ANK3: variants seen among roughly 807,000 people sequenced by gnomAD.
ANK3 encodes ankyrin 3, also known as ankyrin-3.
A neutral mutation model predicts 370.9 loss-of-function variants in ANK3; 57 were observed. That is an observed-to-expected ratio of 0.15 (90% confidence interval 0.12 to 0.19). The LOEUF (loss-of-function observed/expected upper bound fraction) is 0.19. Ranked by LOEUF, ANK3 falls within the 10% of genes least tolerant of loss-of-function variation. The pLI is 1.00. For synonymous variants in ANK3, 1,929 were observed against 1,946.3 expected (o/e 0.99, Z 0.23); for missense variants, 4,439 against 5,302.1 (o/e 0.84, Z 5.06).
chr10:60,177,227 G>C (rs2095993095), intron 18 of ANK3, among the ~76,000 whole-genome samples: 1 of 152,146 alleles, frequency 6.6e-6, no homozygotes, highest in Non-Finnish European at 1.5e-5. Flanking sequence ...TGGATCCCGA[G>C]GGTTTTGTCT....
At chr10:60,252,645 T>C (rs2097686064) in intron 7 of ANK3, among the ~76,000 whole-genome samples, 1 of 152,228 alleles carries the variant, frequency 6.6e-6, no homozygotes, top group African/African-American at 2.4e-5. Context: ...ATTTCTTTTA[T>C]TGGCTCTCTT....
At chr10:60,242,307 C>G (rs2097476648) in intron 7 of ANK3, among the ~76,000 whole-genome samples, 1 of 152,174 alleles carries the variant, frequency 6.6e-6, no homozygotes, top group South Asian at 2.1e-4. Context: ...TTTACAACTT[C>G]ATCACACCGC....
At chr10:60,116,593 TAA>T (rs56117415) in intron 25 of ANK3, among the ~76,000 whole-genome samples, 4 of 148,868 alleles carry the variant, frequency 2.7e-5, no homozygotes, top group African/African-American at 7.4e-5. Context: ...GACTACTTAT[TAA>T]AAAAAAAAGA....
chr10:60,450,973 A>C (rs1039240678), intron 2 of ANK3, among the ~76,000 whole-genome samples: 3 of 152,218 alleles, frequency 2.0e-5, no homozygotes, highest in Admixed American at 1.3e-4. Context: ...GATGTAATTA[A>C]GGTAAGGATC....
intron 2 of ANK3, among the ~76,000 whole-genome samples, chr10:60,409,671 G>T (rs2063521259): frequency 6.6e-6 from 1 of 152,010 alleles, no homozygotes; most frequent in African/African-American, 2.4e-5. Flanking sequence ...CTCCCACTCT[G>T]TACTCTCTGC....
intron 1 of ANK3, among the ~76,000 whole-genome samples, chr10:60,378,583 C>T (rs1201871536): frequency 6.6e-6 from 1 of 152,148 alleles, no homozygotes; most frequent in East Asian, 1.9e-4. Flanking sequence ...GTGCAAAGAA[C>T]GCTCATTGGG....
At chr10:60,376,646 C>T (rs1337206037) in intron 1 of ANK3, among the ~76,000 whole-genome samples, 1 of 152,184 alleles carries the variant, frequency 6.6e-6, no homozygotes, top group Non-Finnish European at 1.5e-5. Context: ...TCAAGACCAG[C>T]ACTTGCATTG....
At chr10:60,544,722 T>C (rs1321052562) in intron 2 of ANK3, among the ~76,000 whole-genome samples, 1 of 152,180 alleles carries the variant, frequency 6.6e-6, no homozygotes, top group Non-Finnish European at 1.5e-5. Flanking sequence ...CTCTCATTTA[T>C]AAGGCTGTCT....
At chr10:60,409,703 C>T (rs940088896) in intron 2 of ANK3, among the ~76,000 whole-genome samples, 6 of 152,112 alleles carry the variant, frequency 3.9e-5, no homozygotes, top group African/African-American at 1.2e-4. Flanking sequence ...CATCCATGCC[C>T]GCAGCTTGAA....
In ANK3 at chr10:60,732,149, T is replaced by C. The variant is rs1252705636; in HGVS notation, c.57+1114A>G. On this transcript the variant is annotated intron_variant, in intron 1 of 43. Coordinates refer to the ANK3 transcript ENST00000373827. Reference sequence around the variant, plus strand: ...TTTTAAAACATGTAGTATTTATTCTTCTGCGAAAATAGTTAATGCAAGCCC... The same window carrying C: ...TTTTAAAACATGTAGTATTTATTCTCCTGCGAAAATAGTTAATGCAAGCCC... Among the ~76,000 whole-genome samples, 9 of 152,130 alleles carry C rather than the reference T, an allele frequency of 5.9e-5. No homozygotes were observed. The South Asian group carries it at 1.7e-3, about 28-fold the overall frequency.
intron 43 of ANK3, among the ~76,000 whole-genome samples, chr10:60,036,097 T>C (rs2074895355): frequency 6.6e-6 from 1 of 152,152 alleles, no homozygotes; most frequent in African/African-American, 2.4e-5. Flanking sequence ...GTTCATTGCT[T>C]AGTAAAGAGG....
At chr10:60,719,609 AT>A (rs1311187525) in intron 1 of ANK3, among the ~76,000 whole-genome samples, 2 of 152,164 alleles carry the variant, frequency 1.3e-5, no homozygotes, top group African/African-American at 4.8e-5. Context: ...TTATACATTT[AT>A]TAGCCAGTTA....
intron 2 of ANK3, among the ~76,000 whole-genome samples, chr10:60,558,858 T>C (rs528333450): frequency 3.2e-4 from 49 of 152,302 alleles, no homozygotes; most frequent in African/African-American, 1.2e-3. Context: ...AAATTTCTAA[T>C]TTTCTTATTA....
intron 1 of ANK3, among the ~76,000 whole-genome samples, chr10:60,301,823 C>G (rs2043885382): frequency 6.6e-6 from 1 of 152,200 alleles, no homozygotes; most frequent in African/African-American, 2.4e-5. Context: ...AGATAACTTT[C>G]TACTGTTCTT....
intron 1 of ANK3, among the ~76,000 whole-genome samples, chr10:60,337,243 C>G (rs1427933191): frequency 6.6e-6 from 1 of 152,024 alleles, no homozygotes; most frequent in East Asian, 1.9e-4. Flanking sequence ...TACTAGTTCC[C>G]CAGCCCCATG....
At chr10:60,610,502 GA>G (rs34160333) in intron 2 of ANK3, among the ~76,000 whole-genome samples, 101,721 of 146,268 alleles carry the variant, frequency 0.7, 35,051 homozygotes, top group South Asian at 0.87. Flanking sequence ...AACGAGAGCG[GA>G]AAAAAAAAAA....
At chr10:60,564,397 G>T (rs1205115936) in intron 2 of ANK3, among the ~76,000 whole-genome samples, 3 of 152,116 alleles carry the variant, frequency 2.0e-5, no homozygotes, top group Non-Finnish European at 4.4e-5. Flanking sequence ...GACTTCAAAA[G>T]GTTATTTGCC....
chr10:60,720,257 A>C (rs2079844875), intron 1 of ANK3, among the ~76,000 whole-genome samples: 1 of 152,192 alleles, frequency 6.6e-6, no homozygotes, highest in Admixed American at 6.5e-5. Flanking sequence ...TGTGCGAGAC[A>C]CTGTTCTAAG....
intron 2 of ANK3, among the ~76,000 whole-genome samples, chr10:60,399,234 T>C (rs1350378690): frequency 1.3e-5 from 2 of 152,138 alleles, no homozygotes; most frequent in Non-Finnish European, 2.9e-5. Context: ...GTTGCAAATT[T>C]TAAACAATTA....
Sources: gnomAD v4.1 joint callset for allele counts (sites outside exome capture counted in the v4.1 genomes callset) on GRCh38, gnomAD v4.1.1 for gene constraint, MANE v1.5 for transcripts, NCBI Gene and HGNC (gene_info 2026-07-23, HGNC 2026-07-21) for gene names.